The following EDC3 variants were observed in gnomAD, a reference collection of about 807,000 sequenced individuals.
The protein encoded by EDC3 is enhancer of mRNA decapping 3.
EDC3 carries 20 observed loss-of-function variants against 41.8 expected under a neutral mutation model. The ratio of observed to expected loss-of-function variants is 0.48; its 90% CI spans 0.34 to 0.70. EDC3 has a LOEUF of 0.70. Among genes scored for constraint, EDC3 ranks in the 30% least tolerant of loss-of-function variants. EDC3 has a pLI of 0.01. For synonymous variants in EDC3, 206 were observed against 243.2 expected (o/e 0.85, Z 1.42); for missense variants, 444 against 636.8 (o/e 0.70, Z 3.26).
In EDC3 at chr15:74,668,114, T is replaced by G. The variant is rs1008306627; in HGVS notation, c.484+3341A>C. ...CCCCAGTCTAATCATGATTTAAACA[T>G]CAAGTACCAACTGAGAGACATTCTA... On this transcript the variant is annotated intron_variant, in intron 3 of 6. Coordinates refer to ENST00000315127, the MANE Select transcript of EDC3 (RefSeq NM_025083.5). Among the ~76,000 whole-genome samples the G allele has an allele frequency of 2.0e-5, 3 of 152,124 alleles. No homozygotes were observed. In the East Asian group the frequency reaches 5.8e-4, roughly 29 times the overall value.
At chr15:74,645,926 T>C (rs1884558264) in intron 4 of EDC3, among the ~76,000 whole-genome samples, 2 of 152,078 alleles carry the variant, frequency 1.3e-5, no homozygotes, top group South Asian at 2.1e-4. Flanking sequence ...CTTCCAAATA[T>C]GATTTAAAAA....
At chr15:74,682,771 C>T (rs2062888779) in intron 1 of EDC3, among the ~76,000 whole-genome samples, 4 of 152,086 alleles carry the variant, frequency 2.6e-5, no homozygotes. Context: ...GCCTGTAATC[C>T]CAGCACTTTG....
chr15:74,673,304 CAACT>C (rs1467717276), intron 2 of EDC3, among the ~76,000 whole-genome samples: 14 of 152,262 alleles, frequency 9.2e-5, no homozygotes, highest in South Asian at 8.3e-4. Flanking sequence ...ACGATTTTGG[CAACT>C]AACTGAACAC....
At chr15:74,672,345 T>C (rs959816490) in intron 2 of EDC3, among the ~76,000 whole-genome samples, 51 of 151,712 alleles carry the variant, frequency 3.4e-4, no homozygotes, top group Middle Eastern at 7.1e-3. Context: ...CAATGTTTAA[T>C]GGCTTTTGTT....
At chr15:74,694,959 T>TAAA (rs755076960) in intron 1 of EDC3, among the ~76,000 whole-genome samples, 208 of 140,212 alleles carry the variant, frequency 1.5e-3, no homozygotes, top group African/African-American at 5.0e-3. Flanking sequence ...TGCCATTCAT[T>TAAA]AAAAAAAAAA....
At chr15:74,640,368 C>T (rs1346309143) in intron 5 of EDC3, 98 bp downstream of exon 5, 44 of 1,362,950 alleles carry the variant, frequency 3.2e-5, no homozygotes, top group Admixed American at 4.3e-5. Flanking sequence ...CAGAAACTGC[C>T]TAATGAACTC....
intron 4 of EDC3, among the ~76,000 whole-genome samples, chr15:74,654,120 G>T (rs1404516545): frequency 6.6e-6 from 1 of 152,178 alleles, no homozygotes; most frequent in Non-Finnish European, 1.5e-5. Context: ...AGGCATGGTG[G>T]TGTGTACCTG....
chr15:74,671,496 G>A lies in EDC3; in HGVS notation c.443C>T (p.Ser148Phe), dbSNP rs756283540. ...ACGGAAACTTTTGGACTGACTCAAG[G>A]ATTCCATGTGCCTGTCGACATAGCT... ...SKSYVDRHMESLSQSKSFRRR... is the reference protein window; with the variant it reads ...SKSYVDRHMEFLSQSKSFRRR... The change falls in exon 3 of 7, where the codon TCC (serine) becomes TTC (phenylalanine). Residue 148 changes from serine to phenylalanine, a missense_variant. Coordinates refer to ENST00000315127, the MANE Select transcript of EDC3 (RefSeq NM_025083.5). The surrounding 1 kb of genome is among the most constrained non-coding windows in gnomAD (Gnocchi z 4.6). 2 of 1,614,080 alleles carry A rather than the reference G, an allele frequency of 1.2e-6. No homozygotes were observed. Among genetic ancestry groups the A allele is most frequent in the South Asian group, 2.2e-5 (2 of 91,064 alleles).
intron 1 of EDC3, chr15:74,677,060 T>C (rs1470229942): frequency 1.3e-5 from 2 of 150,932 alleles, no homozygotes; most frequent in African/African-American, 2.4e-5. Flanking sequence ...ACTTTGAGTA[T>C]GCATTTTTCT....
At chr15:74,678,601 G>T (rs939526825) in intron 1 of EDC3, among the ~76,000 whole-genome samples, 80 of 152,124 alleles carry the variant, frequency 5.3e-4, no homozygotes, top group African/African-American at 1.8e-3. Context: ...AAAACACAGG[G>T]GAATGAGGCT....
In EDC3 at chr15:74,671,910, G is replaced by T; in HGVS notation, c.165-136C>A. 1.2e-6 allele frequency: 1 copy of T among 840,142 alleles called. No homozygotes were observed. Among genetic ancestry groups the T allele is most frequent in the Non-Finnish European group, 1.8e-6 (1 of 541,770 alleles). The allele number at this position is 840,142 out of a possible 1,614,324, so 52.0% of individuals were successfully genotyped here. On this transcript the variant is annotated intron_variant, in intron 2 of 6. Coordinates refer to ENST00000315127, the MANE Select transcript of EDC3 (RefSeq NM_025083.5). The surrounding 1 kb of genome is among the most constrained non-coding windows in gnomAD (Gnocchi z 4.6). ...ATCAGAGGCTAGGAAAGGGGGCTGTGTGCTTAAGGACAGGGGTCAGCCACC... is the reference window on the plus strand; with the variant it reads ...ATCAGAGGCTAGGAAAGGGGGCTGTTTGCTTAAGGACAGGGGTCAGCCACC...
chr15:74,692,916 G>A (rs1324765031), intron 1 of EDC3: 1 of 151,976 alleles, frequency 6.6e-6, no homozygotes, highest in Non-Finnish European at 1.5e-5. Flanking sequence ...AAAGTTTCAG[G>A]TGCCAACTTA....
chr15:74,646,060 TTTTG>T (rs1166671482), intron 4 of EDC3, among the ~76,000 whole-genome samples: 2 of 137,490 alleles, frequency 1.5e-5, no homozygotes, highest in Non-Finnish European at 3.0e-5. Context: ...GTTGTTGTTG[TTTTG>T]TTTTTTTTTT....
intron 4 of EDC3, among the ~76,000 whole-genome samples, chr15:74,653,378 C>G (rs964615303): frequency 6.6e-6 from 1 of 152,168 alleles, no homozygotes; most frequent in Non-Finnish European, 1.5e-5. Context: ...GTGTCCCCAG[C>G]TCTGCACTGA....
At chr15:74,662,433 ATAT>A (rs969354587) in intron 3 of EDC3, among the ~76,000 whole-genome samples, 28 of 145,454 alleles carry the variant, frequency 1.9e-4, no homozygotes, top group East Asian at 1.2e-3. Context: ...ATATATATAT[ATAT>A]TTTTTTTTTA....
chr15:74,650,209 C>A (rs771597618), intron 4 of EDC3, among the ~76,000 whole-genome samples: 2 of 152,194 alleles, frequency 1.3e-5, no homozygotes, highest in Non-Finnish European at 1.5e-5. Flanking sequence ...ATTTTCCTAT[C>A]CAAAAGCCTT....
chr15:74,680,989 G>A (rs992760995), intron 1 of EDC3, among the ~76,000 whole-genome samples: 1 of 152,010 alleles, frequency 6.6e-6, no homozygotes, highest in Non-Finnish European at 1.5e-5. Context: ...AAATATAACA[G>A]ATATAACATG....
At chr15:74,648,111 G>T (rs1443461156) in intron 4 of EDC3, among the ~76,000 whole-genome samples, 1 of 152,198 alleles carries the variant, frequency 6.6e-6, no homozygotes, top group Non-Finnish European at 1.5e-5. Context: ...AGAATTATCT[G>T]CAAGAGTACA....
intron 4 of EDC3, among the ~76,000 whole-genome samples, chr15:74,653,449 C>T (rs140150256): frequency 1.2e-4 from 18 of 152,296 alleles, no homozygotes; most frequent in African/African-American, 4.1e-4. Context: ...CAGAGAAAAC[C>T]CCCCTGTAGA....
Sources: allele counts gnomAD v4.1 joint callset (sites outside exome capture counted in the v4.1 genomes callset), GRCh38; gene constraint gnomAD v4.1.1; non-coding constraint Gnocchi (gnomAD v3.1); transcripts MANE v1.5; gene names NCBI Gene and HGNC (gene_info 2026-07-23, HGNC 2026-07-21).